The following ADAMTS12 variants were observed in gnomAD, a reference collection of about 807,000 sequenced individuals.
ADAMTS12 encodes ADAM metallopeptidase with thrombospondin type 1 motif 12.
A neutral mutation model predicts 167.8 loss-of-function variants in ADAMTS12; 118 were observed. That is an observed-to-expected ratio of 0.70 (90% confidence interval 0.61 to 0.82). The LOEUF (loss-of-function observed/expected upper bound fraction) is 0.82, where lower values mean the gene tolerates loss of function less well. ADAMTS12 is among the 40% of genes least tolerant of loss of function. ADAMTS12 has a pLI of 0.00. For synonymous variants in ADAMTS12, 704 were observed against 716.9 expected (o/e 0.98, Z 0.29); for missense variants, 1,916 against 1,998.8 (o/e 0.96, Z 0.79).
At chr5:33,764,355 G>T (rs76230128) in intron 2 of ADAMTS12, among the ~76,000 whole-genome samples, 3,011 of 152,218 alleles carry the variant, frequency 0.02, 103 homozygotes, top group East Asian at 0.14. Context: ...TATATCCTTA[G>T]ATTGGATGAC....
Position 33,699,054 on chromosome 5 carries a change from GGC to G in ADAMTS12, c.635-15001_635-15000del, listed in dbSNP as rs1742892020. Among the ~76,000 whole-genome samples, 3 of 152,328 alleles carry G rather than the reference GGC, an allele frequency of 2.0e-5. No homozygotes were observed. In the South Asian group the frequency reaches 6.2e-4, roughly 32 times the overall value. On this transcript the variant is annotated intron_variant, in intron 3 of 23. Transcript: ENST00000504830. ...CACCTGTAATCCCAGCTACTTGGGA[GGC>G]TGAGGCAGGAGAATTGCTTGAATCC...
In ADAMTS12 at chr5:33,548,288, A is replaced by G. The variant is rs371416752; in HGVS notation, c.4302+919T>C. On this transcript the variant is annotated intron_variant, in intron 21 of 23. Coordinates refer to ENST00000504830, the MANE Select transcript of ADAMTS12 (RefSeq NM_030955.4). Reference sequence around the variant, plus strand: ...ATGGGCAATCAAAGATGAGCAATCAAATCTTTCTGGTTGTGAATGCCTTAT... The same window carrying G: ...ATGGGCAATCAAAGATGAGCAATCAGATCTTTCTGGTTGTGAATGCCTTAT... 1.6e-4 allele frequency among the ~76,000 whole-genome samples: 25 copies of G among 152,336 alleles called. No individual in the cohort carries two copies. The South Asian group carries it at 5.0e-3, about 30-fold the overall frequency.
intron 18 of ADAMTS12, among the ~76,000 whole-genome samples, chr5:33,584,478 G>T (rs1203719530): frequency 6.6e-6 from 1 of 152,032 alleles, no homozygotes; most frequent in Admixed American, 6.6e-5. Context: ...CTCAAGGAGA[G>T]GATAGGTGAA....
chr5:33,752,219 A>T (rs1745015505), intron 2 of ADAMTS12, among the ~76,000 whole-genome samples: 1 of 152,210 alleles, frequency 6.6e-6, no homozygotes, highest in African/African-American at 2.4e-5. Flanking sequence ...TCAGGTCTAG[A>T]AGTGCTATAA....
chr5:33,652,855 AT>A (rs1452302033), intron 7 of ADAMTS12, among the ~76,000 whole-genome samples: 1 of 152,158 alleles, frequency 6.6e-6, no homozygotes, highest in Non-Finnish European at 1.5e-5. Context: ...TGCCAGCACC[AT>A]TTATTAAACA....
At chr5:33,872,406 G>A (rs944898476) in intron 2 of ADAMTS12, among the ~76,000 whole-genome samples, 2 of 152,096 alleles carry the variant, frequency 1.3e-5, no homozygotes, top group Non-Finnish European at 2.9e-5. Context: ...AATTAGCCGG[G>A]TATGGTGGCA....
chr5:33,649,650 C>T lies in ADAMTS12; in HGVS notation c.1238G>A (p.Gly413Asp). ...DGKENDCEPV[G>D]RHPYIMSRQL... ...GCGGGACATGATGTACGGATGTCTGCCCACAGGCTCACAGTCATTTTCTTT... is the reference window on the plus strand; with the variant it reads ...GCGGGACATGATGTACGGATGTCTGTCCACAGGCTCACAGTCATTTTCTTT... Residue 413 changes from glycine to aspartate, a missense_variant, in exon 8 of 24, where the codon GGC (glycine) becomes GAC (aspartate). By Grantham distance (94) the Gly-to-Asp change is moderately conservative (BLOSUM62 -1). Coordinates refer to ENST00000504830, the MANE Select transcript of ADAMTS12 (RefSeq NM_030955.4). 1 of 1,614,014 alleles carries T rather than the reference C, an allele frequency of 6.2e-7. No individual in the cohort carries two copies. The highest frequency in any genetic ancestry group is 1.7e-4 in the Middle Eastern group (1 of 6,058).
chr5:33,731,054 G>C (rs1744175824), intron 3 of ADAMTS12, among the ~76,000 whole-genome samples: 1 of 152,094 alleles, frequency 6.6e-6, no homozygotes, highest in African/African-American at 2.4e-5. Flanking sequence ...TGTGTTATTG[G>C]GAGAATTAAA....
chr5:33,834,277 T>C (rs973062712), intron 2 of ADAMTS12, among the ~76,000 whole-genome samples: 2 of 152,188 alleles, frequency 1.3e-5, no homozygotes, highest in Non-Finnish European at 2.9e-5. Flanking sequence ...GGAATCACAA[T>C]ACAGTCCATA....
intron 2 of ADAMTS12, among the ~76,000 whole-genome samples, chr5:33,836,126 G>GA (rs1413425952): frequency 6.6e-6 from 1 of 152,138 alleles, no homozygotes; most frequent in Non-Finnish European, 1.5e-5. Flanking sequence ...TCCCTCAAGT[G>GA]AAAAAGCCCA....
At chr5:33,596,083 C>T (rs2112034216) in intron 16 of ADAMTS12, 23 bp from the exon 17 acceptor site, 4 of 1,612,904 alleles carry the variant, frequency 2.5e-6, no homozygotes, top group East Asian at 2.2e-5. Context: ...CAGAAAGATT[C>T]ACACATATTG....
intron 3 of ADAMTS12, among the ~76,000 whole-genome samples, chr5:33,713,263 G>A (rs1308326360): frequency 6.6e-6 from 1 of 152,082 alleles, no homozygotes. Flanking sequence ...ATGTAGATAT[G>A]CCCAGTCAGC....
At chr5:33,533,574 T>C (rs27975) in intron 23 of ADAMTS12, among the ~76,000 whole-genome samples, 75,763 of 151,972 alleles carry the variant, frequency 0.5, 20,408 homozygotes, top group East Asian at 0.78. Flanking sequence ...TGAATAACAC[T>C]TCTGAAAATG....
At chr5:33,532,644 A>AT (rs143363127) in intron 23 of ADAMTS12, among the ~76,000 whole-genome samples, 12,435 of 151,412 alleles carry the variant, frequency 0.082, 637 homozygotes, top group Non-Finnish European at 0.11. Flanking sequence ...AATTTTGTTG[A>AT]TTTTTTTTTC....
intron 18 of ADAMTS12, among the ~76,000 whole-genome samples, chr5:33,586,156 T>A (rs534342535): frequency 6.6e-6 from 1 of 152,228 alleles, no homozygotes; most frequent in South Asian, 2.1e-4. Context: ...ATGATGTTGG[T>A]CTCCAGACAA....
chr5:33,759,606 G>A (rs185285528), intron 2 of ADAMTS12, among the ~76,000 whole-genome samples: 1 of 152,226 alleles, frequency 6.6e-6, no homozygotes, highest in Admixed American at 6.5e-5. Context: ...CAACTCTTCC[G>A]TGACTAAATC....
In ADAMTS12 at chr5:33,863,000, T is replaced by C. The variant is rs549285453; in HGVS notation, c.489+18119A>G. Among the ~76,000 whole-genome samples, 8 of 152,308 alleles carry C rather than the reference T, an allele frequency of 5.3e-5. No homozygotes were observed. In the South Asian group the frequency reaches 1.7e-3, roughly 32 times the overall value. ...TTCGATAAAATTCATCACCCCTTCA[T>C]GCTAAAAACACTCAATAAACTAGAT... On this transcript the variant is annotated intron_variant, in intron 2 of 23. Coordinates refer to ENST00000504830, the MANE Select transcript of ADAMTS12 (RefSeq NM_030955.4).
chr5:33,869,123 A>C (rs571208953), intron 2 of ADAMTS12, among the ~76,000 whole-genome samples: 59 of 152,256 alleles, frequency 3.9e-4, no homozygotes, highest in African/African-American at 1.4e-3. Context: ...AGGAGAAAAG[A>C]ATGGTTTTGT....
Position 33,702,836 on chromosome 5 carries a change from C to T in ADAMTS12, c.635-18781G>A, listed in dbSNP as rs537670882. Among the ~76,000 whole-genome samples the T allele has an allele frequency of 6.6e-5, 10 of 152,274 alleles. No individual in the cohort carries two copies. The South Asian group carries it at 1.9e-3, about 28-fold the overall frequency. ...TCTTGAGGCAGAAGTAACGCTATTT[C>T]AGATGTAGGACCCTCATGCCTTGGC... On this transcript the variant is annotated intron_variant, in intron 3 of 23. Transcript: ENST00000504830.
Sources: allele counts gnomAD v4.1 joint callset (sites outside exome capture counted in the v4.1 genomes callset), GRCh38; gene constraint gnomAD v4.1.1; transcripts MANE v1.5; gene names NCBI Gene and HGNC (gene_info 2026-07-23, HGNC 2026-07-21).